NRXN3: variants seen among roughly 807,000 people sequenced by gnomAD.
NRXN3 encodes neurexin 3.
In NRXN3, 32 loss-of-function variants were observed where a neutral mutation model predicts 137.6. The observed-to-expected ratio is 0.23, with a 90% CI of 0.18 to 0.31. The LOEUF is 0.31. Ranked by LOEUF, NRXN3 falls within the 10% of genes least tolerant of loss-of-function variation. The probability of loss-of-function intolerance (pLI) is 1.00; values close to 1 mark genes in which losing one functional copy is unlikely to be tolerated. For synonymous variants in NRXN3, 798 were observed against 784.5 expected, an observed-to-expected ratio of 1.02 and a Z score of -0.29; for missense variants, 1,574 against 2,062.5, an observed-to-expected ratio of 0.76 and a Z score of 4.59.
At chr14:78,286,114 T>C (rs10132310) in intron 3 of NRXN3, among the ~76,000 whole-genome samples, 2,011 of 152,308 alleles carry the variant, frequency 0.013, 34 homozygotes, top group African/African-American at 0.045. Flanking sequence ...TTGGTTATGG[T>C]CACATTTCAT....
intron 6 of NRXN3, among the ~76,000 whole-genome samples, chr14:78,669,129 T>A (rs1293209486): frequency 1.3e-5 from 2 of 151,972 alleles, no homozygotes; most frequent in African/African-American, 2.4e-5. Context: ...TAAAAAAAAA[T>A]TTTAAGAGTG....
chr14:79,472,214 T>C (rs1288870599), intron 16 of NRXN3, among the ~76,000 whole-genome samples: 3 of 152,202 alleles, frequency 2.0e-5, no homozygotes, highest in Non-Finnish European at 4.4e-5. Flanking sequence ...TTCTATTTCA[T>C]GATTTGCTCA....
At chr14:78,362,461 T>C (rs955332757) in intron 4 of NRXN3, among the ~76,000 whole-genome samples, 1 of 152,188 alleles carries the variant, frequency 6.6e-6, no homozygotes, top group East Asian at 1.9e-4. Context: ...AATTAATGCC[T>C]CTCCTTTTTA....
intron 20 of NRXN3, among the ~76,000 whole-genome samples, chr14:79,859,204 A>G (rs996684582): frequency 1.3e-5 from 2 of 152,150 alleles, no homozygotes; most frequent in Admixed American, 1.3e-4. Flanking sequence ...TGACACTGCA[A>G]CATTCTGTTG....
intron 10 of NRXN3, among the ~76,000 whole-genome samples, chr14:78,866,596 G>A (rs1474749463): frequency 6.6e-6 from 1 of 152,062 alleles, no homozygotes; most frequent in Non-Finnish European, 1.5e-5. Flanking sequence ...GTACAGAGAA[G>A]CTCATAAAAA....
chr14:78,295,226 C>T (rs187610531), intron 3 of NRXN3, among the ~76,000 whole-genome samples: 83 of 152,230 alleles, frequency 5.5e-4, no homozygotes, highest in African/African-American at 1.9e-3. Flanking sequence ...CATGGTTTCT[C>T]CCCCCAGTCC....
Position 78,532,343 on chromosome 14 carries a change from G to T in NRXN3, c.758-112777G>T, listed in dbSNP as rs531089953. On this transcript the variant is annotated intron_variant, in intron 4 of 20. Transcript: ENST00000335750. ...TCTCAAAAGAAAAAAAAAAAGAAAA[G>T]AAAAGAAAAGAAAAAGAAAATTGAT... Among the ~76,000 whole-genome samples the T allele has an allele frequency of 7.6e-5, 11 of 145,524 alleles. No individual in the cohort carries two copies. In the South Asian group the frequency reaches 2.0e-3, roughly 27 times the overall value.
chr14:78,385,262 A>C (rs977651607), intron 4 of NRXN3, among the ~76,000 whole-genome samples: 1 of 150,984 alleles, frequency 6.6e-6, no homozygotes, highest in African/African-American at 2.4e-5. Flanking sequence ...TTTTTTTTAA[A>C]CTTCTTCCTA....
intron 3 of NRXN3, among the ~76,000 whole-genome samples, chr14:78,285,940 G>A (rs2075118186): frequency 6.6e-6 from 1 of 152,128 alleles, no homozygotes; most frequent in Non-Finnish European, 1.5e-5. Flanking sequence ...AGACCCCCCT[G>A]GCTCCTGTAG....
Position 78,855,162 on chromosome 14 carries a change from C to CAA in NRXN3, c.2275+44830_2275+44831dup, listed in dbSNP as rs199939050. Among the ~76,000 whole-genome samples, 820 of 125,302 alleles carry CAA rather than the reference C, an allele frequency of 6.5e-3. 7 individuals carry two copies. The highest frequency in any genetic ancestry group is 0.021 in the African/African-American group (732 of 35,224). 82.2% of individuals were successfully genotyped at this position (125,302 alleles called of 152,430 possible). ...TTGGGGACAGAGCGAGACTGCATCT[C>CAA]AAAAAAAAAAAAACATACAAAAAAG... On this transcript the variant is annotated intron_variant, in intron 10 of 20. Coordinates refer to ENST00000335750, the MANE Select transcript of NRXN3 (RefSeq NM_001330195.2).
chr14:79,168,205 A>G (rs2153085155), intron 15 of NRXN3, among the ~76,000 whole-genome samples: 1 of 152,020 alleles, frequency 6.6e-6, no homozygotes, highest in South Asian at 2.1e-4. Flanking sequence ...AAGAGAGCAA[A>G]TCTATTGGCA....
chr14:79,558,296 A>G (rs2097451887), intron 16 of NRXN3, among the ~76,000 whole-genome samples: 2 of 152,160 alleles, frequency 1.3e-5, no homozygotes, highest in South Asian at 2.1e-4. Flanking sequence ...AATCCTTTCT[A>G]GAAGAATATT....
At chr14:79,308,090 C>T (rs973440612) in intron 15 of NRXN3, among the ~76,000 whole-genome samples, 2 of 152,160 alleles carry the variant, frequency 1.3e-5, no homozygotes, top group African/African-American at 2.4e-5. Context: ...GATTGAGGCT[C>T]ATGCATCTGA....
intron 4 of NRXN3, among the ~76,000 whole-genome samples, chr14:78,321,681 G>C (rs1363542100): frequency 6.6e-6 from 1 of 152,062 alleles, no homozygotes; most frequent in Admixed American, 6.5e-5. Flanking sequence ...ATGGTAGAGA[G>C]AAGGAAGGGT....
chr14:78,599,111 A>ACT (rs2097182112), intron 4 of NRXN3, among the ~76,000 whole-genome samples: 1 of 152,130 alleles, frequency 6.6e-6, no homozygotes, highest in African/African-American at 2.4e-5. Context: ...CAGGGACAAA[A>ACT]CTCAGTTTAC....
At chr14:78,660,410 CAATTAGAGACTCCT>C (rs1463045176) in intron 6 of NRXN3, among the ~76,000 whole-genome samples, 1 of 151,954 alleles carries the variant, frequency 6.6e-6, no homozygotes, top group Non-Finnish European at 1.5e-5. Flanking sequence ...ATCCCTAAAT[CAATTAGAGACTCCT>C]AATTAGAGAC....
intron 14 of NRXN3, among the ~76,000 whole-genome samples, chr14:78,983,136 CA>C (rs774636122): frequency 9.2e-5 from 14 of 152,052 alleles, no homozygotes; most frequent in Non-Finnish European, 1.9e-4. Context: ...ACAAAAACAA[CA>C]ACAACAACAA....
chr14:79,033,771 T>C (rs2099611548), intron 15 of NRXN3, among the ~76,000 whole-genome samples: 1 of 152,110 alleles, frequency 6.6e-6, no homozygotes, highest in Non-Finnish European at 1.5e-5. Context: ...TGTCTTTTTT[T>C]CCTCTTGATT....
chr14:79,812,453 C>T (rs1008070393), intron 20 of NRXN3, among the ~76,000 whole-genome samples: 3 of 151,992 alleles, frequency 2.0e-5, no homozygotes, highest in African/African-American at 7.2e-5. Context: ...ATTATCAGCA[C>T]CCTAAGGATG....
Sources: allele counts gnomAD v4.1 joint callset (sites outside exome capture counted in the v4.1 genomes callset), GRCh38; gene constraint gnomAD v4.1.1; transcripts MANE v1.5; gene names NCBI Gene and HGNC (gene_info 2026-07-23, HGNC 2026-07-21).